Variants in TRPM1 observed in about 807,000 individuals in gnomAD.
TRPM1 encodes the protein transient receptor potential cation channel subfamily M member 1, also known as TRPM1-203 APA Isoform, Intron 10.
In TRPM1, 113 loss-of-function variants were observed where a neutral mutation model predicts 149.4. The ratio of observed to expected loss-of-function variants is 0.76; its 90% CI spans 0.65 to 0.88. The LOEUF (loss-of-function observed/expected upper bound fraction) is 0.88, where lower values mean the gene tolerates loss of function less well. Among genes scored for constraint, TRPM1 ranks in the 40% least tolerant of loss-of-function variants. The pLI is 0.00. For missense variants in TRPM1, 1,976 were observed against 2,038.7 expected (o/e 0.97, Z 0.59); for synonymous variants, 741 against 759.5 (o/e 0.98, Z 0.40).
At chr15:31,110,010 C>T (rs1274306259) in intron 1 of TRPM1, among the ~76,000 whole-genome samples, 2 of 152,296 alleles carry the variant, frequency 1.3e-5, no homozygotes, top group East Asian at 3.9e-4. Flanking sequence ...GATCCAAAAA[C>T]CTTCCTTTTC....
chr15:31,086,441 C>T (rs910307550), intron 1 of TRPM1, among the ~76,000 whole-genome samples: 1 of 152,266 alleles, frequency 6.6e-6, no homozygotes, highest in African/African-American at 2.4e-5. Context: ...GTGTGCAGCC[C>T]CCTGCCCCAT....
chr15:31,017,731 G>A (rs966735694), intron 27 of TRPM1, among the ~76,000 whole-genome samples: 9 of 152,220 alleles, frequency 5.9e-5, no homozygotes, highest in African/African-American at 2.2e-4. Flanking sequence ...ATGCCACTAA[G>A]CCTGAAGGTG....
intron 1 of TRPM1, among the ~76,000 whole-genome samples, chr15:31,109,333 C>CAAAAAAAAAAAAAA (rs36072024): frequency 5.9e-4 from 19 of 32,294 alleles, no homozygotes; most frequent in Non-Finnish European, 8.9e-4. Flanking sequence ...GACTCTGCCT[C>CAAAAAAAAAAAAAA]AAAAAAAAAA....
rs143459929 is a variant in TRPM1, at chr15:31,057,065, C to T, written c.1263+3479G>A. 4.2e-4 allele frequency among the ~76,000 whole-genome samples: 64 copies of T among 152,182 alleles called. 1 individual carries two copies. Among genetic ancestry groups the T allele is most frequent in the Admixed American group, 1.6e-3 (25 of 15,280 alleles). On this transcript the variant is annotated intron_variant, in intron 11 of 27. Coordinates refer to ENST00000256552, the MANE Select transcript of TRPM1 (RefSeq NM_001252024.2). Reference sequence around the variant, plus strand: ...GGCAATGGCCAGTCTCAGAGTGCAACGAAGGGATGTCTGATGTAGACAACT... The same window carrying T: ...GGCAATGGCCAGTCTCAGAGTGCAATGAAGGGATGTCTGATGTAGACAACT...
Position 31,001,886 on chromosome 15 carries a change from GA to G in TRPM1, c.4813del (p.Ser1605LeufsTer3). On this transcript the variant is annotated frameshift_variant, in exon 28 of 28. Coordinates refer to ENST00000256552, the MANE Select transcript of TRPM1 (RefSeq NM_001252024.2). LOFTEE classifies it low-confidence loss of function (END_TRUNC). Reference sequence around the variant, plus strand: ...CTTTTTTTCTTCTGCTGTCATTCCAGACACAATTACTAAGCTGCTTACACTA... The same window carrying G: ...CTTTTTTTCTTCTGCTGTCATTCCAGCACAATTACTAAGCTGCTTACACTA... ...ASSVSSLVIV[S>X]GMTAEEKKVK... 1 of 1,613,888 alleles carries G rather than the reference GA, an allele frequency of 6.2e-7. No homozygotes were observed. The highest frequency in any genetic ancestry group is 8.5e-7 in the Non-Finnish European group (1 of 1,180,012).
chr15:31,082,455 A>C (rs2034887287), intron 1 of TRPM1, among the ~76,000 whole-genome samples: 6 of 152,126 alleles, frequency 3.9e-5, no homozygotes, highest in Admixed American at 3.3e-4. Flanking sequence ...CTGAAATGGA[A>C]ATGGCTTTGA....
intron 13 of TRPM1, among the ~76,000 whole-genome samples, chr15:31,048,538 T>C (rs1375499274): frequency 6.6e-6 from 1 of 151,966 alleles, no homozygotes; most frequent in Non-Finnish European, 1.5e-5. Flanking sequence ...TGGCTCAAAT[T>C]AGTATATTTG....
Position 31,002,481 on chromosome 15 carries a change from C to T in TRPM1, c.4219G>A (p.Asp1407Asn). ...GATTTGTCCTGTCCATGTATCACAT[C>T]TGTTTTATTTAAACTTGGGGAAATA... is the stretch of plus-strand genomic sequence containing the variant. Reference protein sequence around the residue: ...ETISPSLNKTDVIHGQDKSDV... With the variant: ...ETISPSLNKTNVIHGQDKSDV... The change falls in exon 28 of 28, where the codon GAT becomes AAT. Residue 1407 changes from aspartate (D) to asparagine (N), a missense_variant. This residue lies in a region of TRPM1 where 572 missense variants were observed against 578.9 expected (regional missense o/e 0.99). Coordinates refer to ENST00000256552, the MANE Select transcript of TRPM1 (RefSeq NM_001252024.2). The T allele has an allele frequency of 6.2e-7, 1 of 1,614,194 alleles. No individual in the cohort carries two copies. Among genetic ancestry groups the T allele is most frequent in the African/African-American group, 1.3e-5 (1 of 75,054 alleles).
chr15:31,073,097 T>G (rs2034602384), intron 3 of TRPM1, among the ~76,000 whole-genome samples: 1 of 152,138 alleles, frequency 6.6e-6, no homozygotes, highest in African/African-American at 2.4e-5. Flanking sequence ...TCCCAGGTCA[T>G]GATTTACCCT....
In TRPM1 at chr15:31,119,243, A is replaced by AAAAT. The variant is rs71110839; in HGVS notation, c.54+41659_54+41662dup. ...GCAACAAGAGTGAAACTCCATCTCA[A>AAAAT]AAATAAATAAATAAATAAATAAATA... is the stretch of plus-strand genomic sequence containing the variant. On this transcript the variant is annotated intron_variant, in intron 1 of 26. Coordinates refer to the TRPM1 transcript ENST00000542188. Among the ~76,000 whole-genome samples, 989 of 148,248 alleles carry AAAAT rather than the reference A, an allele frequency of 6.7e-3. 11 individuals are homozygous for AAAAT. Among genetic ancestry groups the AAAAT allele is most frequent in the African/African-American group, 0.015 (608 of 40,526 alleles).
upstream of TRPM1, among the ~76,000 whole-genome samples, chr15:31,105,138 C>G (rs2035585573): frequency 2.0e-5 from 3 of 152,308 alleles, no homozygotes; most frequent in South Asian, 6.2e-4. Flanking sequence ...ATATTTGATG[C>G]ATTTAAATCC....
intron 8 of TRPM1, 49 bp downstream of exon 8, chr15:31,063,069 C>T: frequency 6.2e-7 from 1 of 1,611,570 alleles, no homozygotes; most frequent in East Asian, 2.2e-5. Context: ...CTTGGCCCGA[C>T]AAAGAGGGAG....
rs903012146 is a variant in TRPM1 at position 31,040,630 on chromosome 15, A to T, written c.2088-284T>A. Among the ~76,000 whole-genome samples the T allele has an allele frequency of 6.6e-5, 10 of 152,192 alleles. No individual in the cohort carries two copies. Among genetic ancestry groups the T allele is most frequent in the Non-Finnish European group, 4.4e-5 (3 of 68,032 alleles). The stretch of plus-strand genomic sequence containing the variant: ...CCCCTCAGACCCCAGGGACATAGAG[A>T]CGAGAAGACAAAGTCCCTTCCCTCA... On this transcript the variant is annotated intron_variant, in intron 17 of 27. Coordinates refer to ENST00000256552, the MANE Select transcript of TRPM1 (RefSeq NM_001252024.2). The surrounding 1 kb of genome is among the most constrained non-coding windows in gnomAD (Gnocchi z 4.2).
At chr15:31,023,375 GGC>G (rs2032614907) in intron 27 of TRPM1, among the ~76,000 whole-genome samples, 1 of 152,284 alleles carries the variant, frequency 6.6e-6, no homozygotes. Flanking sequence ...CCAGAGAGAG[GGC>G]AGGGCCTTGC....
intron 3 of TRPM1, among the ~76,000 whole-genome samples, chr15:31,071,807 C>T (rs2140969582): frequency 6.6e-6 from 1 of 150,876 alleles, no homozygotes; most frequent in Admixed American, 6.6e-5. Flanking sequence ...CCACCATAAA[C>T]ACAAAAATTA....
intron 1 of TRPM1, among the ~76,000 whole-genome samples, chr15:31,096,263 T>C (rs1396099858): frequency 6.6e-6 from 1 of 152,044 alleles, no homozygotes; most frequent in African/African-American, 2.4e-5. Flanking sequence ...AAGGGCCCCA[T>C]GGTAAAACAC....
chr15:31,113,768 T>A (rs1596081036), intron 1 of TRPM1, among the ~76,000 whole-genome samples: 1 of 152,144 alleles, frequency 6.6e-6, no homozygotes, highest in Non-Finnish European at 1.5e-5. Context: ...TCCCGGTGAG[T>A]GTTACAGCTC....
chr15:31,053,600 A>C (rs1054263410), intron 11 of TRPM1, among the ~76,000 whole-genome samples: 2 of 152,208 alleles, frequency 1.3e-5, no homozygotes, highest in Admixed American at 6.6e-5. Context: ...AAAATGACAA[A>C]TGTTTGTGAA....
chr15:31,106,478 A>C (rs2035608756), upstream of TRPM1, among the ~76,000 whole-genome samples: 1 of 152,194 alleles, frequency 6.6e-6, no homozygotes, highest in South Asian at 2.1e-4. Flanking sequence ...TTATCCTTTC[A>C]CTTTTTAAGT....
Sources: gnomAD v4.1 joint callset for allele counts (sites outside exome capture counted in the v4.1 genomes callset) on GRCh38, gnomAD v4.1.1 for gene constraint, gnomAD v4.1.1 regional missense constraint, Gnocchi (gnomAD v3.1) non-coding constraint, MANE v1.5 for transcripts, NCBI Gene and HGNC (gene_info 2026-07-23, HGNC 2026-07-21) for gene names.